Variants in BZW2 observed in about 807,000 individuals in gnomAD.
The protein encoded by BZW2 is basic leucine zipper and W2 domains 2.
Under a neutral mutation model 53.2 loss-of-function variants are expected in BZW2, and 23 were observed. That is an observed-to-expected ratio of 0.43 (90% CI 0.31 to 0.61). The LOEUF is 0.61. Among genes scored for constraint, BZW2 ranks in the 20% least tolerant of loss-of-function variants. The probability of loss-of-function intolerance (pLI) is 0.09; values close to 1 mark genes in which losing one functional copy is unlikely to be tolerated. For missense variants in BZW2, 409 were observed against 503.1 expected, an observed-to-expected ratio of 0.81 and a Z score of 1.79; for synonymous variants, 227 against 186.4, an observed-to-expected ratio of 1.22 and a Z score of -1.77.
At chr7:16,682,938 C>G (rs570100971) in intron 5 of BZW2, 93 bp downstream of exon 5, 1 of 773,778 alleles carries the variant, frequency 1.3e-6, no homozygotes, top group Admixed American at 3.3e-5. Flanking sequence ...TGGCTCACGC[C>G]TGTAATCCCA....
At chr7:16,674,964 A>G (rs1187018127) in intron 3 of BZW2, among the ~76,000 whole-genome samples, 1 of 152,204 alleles carries the variant, frequency 6.6e-6, no homozygotes, top group Non-Finnish European at 1.5e-5. Flanking sequence ...AATTAATGCC[A>G]TTTCATCCAT....
intron 8 of BZW2, 72 bp from the exon 9 acceptor site, chr7:16,696,843 T>A (rs1382959601): frequency 6.7e-7 from 1 of 1,503,454 alleles, no homozygotes; most frequent in Non-Finnish European, 9.2e-7. Flanking sequence ...CTTGATTGAC[T>A]GGGCAGCTAG....
chr7:16,671,565 C>T (rs1286080039), intron 2 of BZW2, among the ~76,000 whole-genome samples: 1 of 152,096 alleles, frequency 6.6e-6, no homozygotes, highest in African/African-American at 2.4e-5. Flanking sequence ...ACTTACTCTT[C>T]AGTTATTATC....
At chr7:16,697,860 G>A (rs531616294) in intron 9 of BZW2, 188 bp from the exon 10 acceptor site, 4 of 593,830 alleles carry the variant, frequency 6.7e-6, no homozygotes, top group South Asian at 5.7e-5. Context: ...CTCACAGGTC[G>A]ACTATACTGC....
At chr7:16,692,589 C>T (rs1265100283) in intron 7 of BZW2, among the ~76,000 whole-genome samples, 2 of 152,074 alleles carry the variant, frequency 1.3e-5, no homozygotes, top group South Asian at 2.1e-4. Flanking sequence ...ATGGTGAAAC[C>T]TTGTCTATAC....
chr7:16,678,266 A>G (rs1782828536), intron 3 of BZW2, among the ~76,000 whole-genome samples: 1 of 151,850 alleles, frequency 6.6e-6, no homozygotes, highest in Non-Finnish European at 1.5e-5. Context: ...CATGTTGGCT[A>G]GGCTGGTCTC....
At chr7:16,656,136 A>AATATATATATATATATATATATATATAT in intron 1 of BZW2, among the ~76,000 whole-genome samples, 1 of 140,794 alleles carries the variant, frequency 7.1e-6, no homozygotes, top group African/African-American at 3.1e-5. Context: ...TATATAAATG[A>AATATATATATATATATATATATATATAT]CTATATATAT....
At chr7:16,698,513 T>C (rs575865607) in intron 10 of BZW2, among the ~76,000 whole-genome samples, 16 of 152,262 alleles carry the variant, frequency 1.1e-4, no homozygotes, top group Non-Finnish European at 8.8e-5. Context: ...TTAGCTCTAA[T>C]AACAATGATT....
At position 16,675,885 on chromosome 7, in the gene BZW2, G is replaced by T. The variant is rs113442573; in HGVS notation, c.235+1297G>T. Among the ~76,000 whole-genome samples the T allele has an allele frequency of 5.5e-3, 840 of 152,198 alleles. 4 individuals are homozygous for T. Among genetic ancestry groups the T allele is most frequent in the African/African-American group, 0.019 (809 of 41,518 alleles). The stretch of plus-strand genomic sequence containing the variant: ...ACCTGAGGTCAGGAGTTCGAGACCA[G>T]CTTGGCCAACATGGTGAAACCCCGT... On this transcript the variant is annotated intron_variant, in intron 3 of 11. Coordinates refer to ENST00000258761, the MANE Select transcript of BZW2 (RefSeq NM_014038.3).
intron 6 of BZW2, chr7:16,687,563 A>T (rs1051595673): frequency 2.0e-5 from 3 of 152,078 alleles, no homozygotes; most frequent in Non-Finnish European, 4.4e-5. Flanking sequence ...ACAAAAAAAA[A>T]TTTAAAAACT....
chr7:16,692,819 G>A (rs1783354940), intron 7 of BZW2, among the ~76,000 whole-genome samples: 1 of 152,098 alleles, frequency 6.6e-6, no homozygotes, highest in Non-Finnish European at 1.5e-5. Flanking sequence ...CCAAATGTGG[G>A]CTGTAACTTT....
At chr7:16,659,025 G>T (rs891602200) in intron 1 of BZW2, among the ~76,000 whole-genome samples, 3 of 150,950 alleles carry the variant, frequency 2.0e-5, no homozygotes, top group Non-Finnish European at 4.4e-5. Flanking sequence ...AATTTGGGAG[G>T]CTGAGGCAGG....
chr7:16,692,144 G>T (rs1332237933), intron 7 of BZW2, among the ~76,000 whole-genome samples: 2 of 152,108 alleles, frequency 1.3e-5, no homozygotes, highest in African/African-American at 4.8e-5. Context: ...GAAAAGTTGT[G>T]TATTACTAGA....
intron 1 of BZW2, 111 bp from the exon 2 acceptor site, chr7:16,665,326 T>A: frequency 1.6e-6 from 2 of 1,236,754 alleles, no homozygotes; most frequent in Non-Finnish European, 2.3e-6. Context: ...AAAAGAGGCA[T>A]ATTCAGTAAT....
At chr7:16,697,096 G>C (rs773458747) in intron 9 of BZW2, 35 bp downstream of exon 9, 2 of 1,598,738 alleles carry the variant, frequency 1.3e-6, no homozygotes, top group Non-Finnish European at 1.7e-6. Context: ...ACCCAGCCAA[G>C]GGCAAACTGC....
intron 1 of BZW2, among the ~76,000 whole-genome samples, chr7:16,650,893 A>C (rs757787664): frequency 2.0e-5 from 3 of 152,370 alleles, no homozygotes; most frequent in African/African-American, 2.4e-5. Flanking sequence ...TAAACTATCT[A>C]TTTTGAAAAT....
intron 2 of BZW2, among the ~76,000 whole-genome samples, chr7:16,671,488 C>T (rs564410532): frequency 5.3e-5 from 8 of 152,264 alleles, no homozygotes; most frequent in Non-Finnish European, 8.8e-5. Context: ...TTGAAATGTC[C>T]TTTCACCATT....
intron 2 of BZW2, among the ~76,000 whole-genome samples, chr7:16,668,007 G>A (rs76321325): frequency 0.014 from 2,146 of 152,296 alleles, 50 homozygotes; most frequent in African/African-American, 0.049. Flanking sequence ...GGATTTATCA[G>A]TAATGACCAA....
Position 16,696,858 on chromosome 7 carries a change from G to T in BZW2, c.823-57G>T, listed in dbSNP as rs1012979366. 14 of 1,567,632 alleles carry T rather than the reference G, an allele frequency of 8.9e-6. No homozygotes were observed. In the Admixed American group the frequency reaches 1.9e-4, roughly 21 times the overall value. ...CTTGATTGACTGGGCAGCTAGCGGGGAGATGGGAGCCCTCCATCTGCCTGT... is the reference window on the plus strand; with the variant it reads ...CTTGATTGACTGGGCAGCTAGCGGGTAGATGGGAGCCCTCCATCTGCCTGT... On this transcript the variant is annotated intron_variant, in intron 8 of 11. Transcript: ENST00000258761.
Sources: gnomAD v4.1 joint callset for allele counts (sites outside exome capture counted in the v4.1 genomes callset) on GRCh38, gnomAD v4.1.1 for gene constraint, MANE v1.5 for transcripts, NCBI Gene and HGNC (gene_info 2026-07-23, HGNC 2026-07-21) for gene names.